Variants in VRK3 observed in about 807,000 individuals in gnomAD.
VRK3 encodes the protein serine/threonine-protein kinase VRK3.
Under a neutral mutation model 60.4 loss-of-function variants are expected in VRK3, and 50 were observed. The observed-to-expected ratio is 0.83, with a 90% CI of 0.66 to 1.05. VRK3 has a LOEUF of 1.05. VRK3 is among the 50% of genes least tolerant of loss of function. The pLI is 0.00. For synonymous variants in VRK3, 246 were observed against 227.8 expected (o/e 1.08, Z -0.72); for missense variants, 549 against 585.3 (o/e 0.94, Z 0.64).
In VRK3 at chr19:49,992,903, A is replaced by T; in HGVS notation, c.920T>A (p.Val307Glu). The change falls in exon 10 of 15, where the codon GTG becomes GAG. Residue 307 changes from valine to glutamate, a missense_variant. Transcript: ENST00000316763. ...LHENEYVHGN[V>E]TAENIFVDPE... ...ATCCACAAAGATATTTTCAGCTGTC[A>T]CATTTCCATGAACATACTCATTCTC... 1 of 1,613,940 alleles carries T rather than the reference A, an allele frequency of 6.2e-7. No individual in the cohort carries two copies. Among genetic ancestry groups the T allele is most frequent in the Non-Finnish European group, 8.5e-7 (1 of 1,180,036 alleles).
chr19:49,985,702 G>A (rs942515696), intron 12 of VRK3, among the ~76,000 whole-genome samples: 5 of 152,120 alleles, frequency 3.3e-5, no homozygotes, highest in African/African-American at 1.2e-4. Flanking sequence ...CTGAGGGCAG[G>A]GATTTTTGTC....
At chr19:50,019,109 G>A (rs1420078284) in intron 2 of VRK3, 1 of 144,878 alleles carries the variant, frequency 6.9e-6, no homozygotes, top group Non-Finnish European at 1.5e-5. Context: ...AGCTTGCAGT[G>A]AGCCGAGATA....
intron 5 of VRK3, among the ~76,000 whole-genome samples, chr19:50,006,034 C>A (rs1426336593): frequency 6.7e-6 from 1 of 149,126 alleles, no homozygotes; most frequent in East Asian, 1.9e-4. Context: ...GCCTGTAATC[C>A]CAGCACTTTG....
In VRK3 at chr19:50,008,498, G is replaced by A. The variant is rs2076939946; in HGVS notation, c.290-672C>T. ...AAAGGGGACGCCTCACACTGCCACT[G>A]TGGCTGTGGCTTCAGATCCAGGGGC... On this transcript the variant is annotated intron_variant, in intron 4 of 14. Coordinates refer to ENST00000316763, the MANE Select transcript of VRK3 (RefSeq NM_016440.4). Among the ~76,000 whole-genome samples, 5 of 152,340 alleles carry A rather than the reference G, an allele frequency of 3.3e-5. No individual in the cohort carries two copies. The South Asian group carries it at 8.3e-4, about 25-fold the overall frequency.
intron 10 of VRK3, among the ~76,000 whole-genome samples, chr19:49,992,310 CAG>C (rs2076625610): frequency 6.6e-6 from 1 of 152,178 alleles, no homozygotes; most frequent in African/African-American, 2.4e-5. Flanking sequence ...AGGAGGCTGA[CAG>C]AGAATCGCTT....
intron 1 of VRK3, among the ~76,000 whole-genome samples, chr19:50,022,070 T>TCAAAGGGTGA: frequency 1.3e-5 from 2 of 152,232 alleles, no homozygotes; most frequent in South Asian, 4.1e-4. Flanking sequence ...AAAATGATGC[T>TCAAAGGGTGA]CAAAGGGTGA....
Position 50,007,803 on chromosome 19 carries a change from G to T in VRK3, c.313C>A (p.Pro105Thr), listed in dbSNP as rs11547882. Residue 105 changes from proline to threonine, a missense_variant, in exon 5 of 15, where the codon CCC (proline) becomes ACC (threonine). Coordinates refer to ENST00000316763, the MANE Select transcript of VRK3 (RefSeq NM_016440.4). Reference protein sequence around the residue: ...SKGSGSRPPTPKSSPQKTRKS... With the variant: ...SKGSGSRPPTTKSSPQKTRKS... ...CTGGTCTTCTGAGGGCTGCTTTTGG[G>T]GGTTGGGGGTCTGCTCCCGGAGCCT... The T allele has an allele frequency of 9.9e-3, 15,932 of 1,614,120 alleles. 1,368 individuals carry two copies. The African/African-American group carries it at 0.19, about 19-fold the overall frequency.
intron 12 of VRK3, chr19:49,981,808 ACACACG>A: frequency 8.9e-7 from 1 of 1,118,268 alleles, no homozygotes; most frequent in Non-Finnish European, 1.1e-6. Context: ...ACACACACAC[ACACACG>A]CACACTGGTC....
Position 50,007,825 on chromosome 19 carries a change from G to A in VRK3, c.291C>T (p.Gly97=). Residue 97 remains glycine (G), a splice_region_variant and synonymous_variant, in exon 5 of 15, where the codon GGC becomes GGT. Transcript: ENST00000316763. ...TGGGGGTTGGGGGTCTGCTCCCGGA[G>A]CCTGCAGGAGGATGTAAGAATAAAG... ...DTLSSSERSK[G]SGSRPPTPKS... 1 of 1,614,130 alleles carries A rather than the reference G, an allele frequency of 6.2e-7. No individual in the cohort carries two copies.
At chr19:50,023,232 C>G (rs1380529379) in intron 1 of VRK3, among the ~76,000 whole-genome samples, 1 of 152,214 alleles carries the variant, frequency 6.6e-6, no homozygotes, top group East Asian at 1.9e-4. Flanking sequence ...TTCGCCCAGG[C>G]TGGAGTGCAA....
chr19:49,989,294 G>C (rs1201008298), intron 11 of VRK3, among the ~76,000 whole-genome samples: 1 of 152,150 alleles, frequency 6.6e-6, no homozygotes, highest in Non-Finnish European at 1.5e-5. Flanking sequence ...CCTCTGCCCA[G>C]ATCTCCCTCC....
intron 14 of VRK3, among the ~76,000 whole-genome samples, chr19:49,977,721 C>T (rs2076354584): frequency 6.6e-6 from 1 of 152,144 alleles, no homozygotes; most frequent in Non-Finnish European, 1.5e-5. Flanking sequence ...GGACCCCGAG[C>T]TGTCTGGCCT....
At chr19:49,985,602 C>T (rs2076499816) in intron 12 of VRK3, among the ~76,000 whole-genome samples, 1 of 152,184 alleles carries the variant, frequency 6.6e-6, no homozygotes, top group African/African-American at 2.4e-5. Context: ...ACACCCAGGA[C>T]CTGGCCTCAT....
rs959469082 is a variant in VRK3 at position 49,982,169 on chromosome 19, A to G, written c.1218-1156T>C. On this transcript the variant is annotated intron_variant, in intron 12 of 14. Coordinates refer to ENST00000316763, the MANE Select transcript of VRK3 (RefSeq NM_016440.4). ...GGCATGACAAAGTCCAGCTTACATTAAAATGAATCCCAAGGCAACCTGAAA... is the reference window on the plus strand; with the variant it reads ...GGCATGACAAAGTCCAGCTTACATTGAAATGAATCCCAAGGCAACCTGAAA... 7.1e-6 allele frequency: 5 copies of G among 702,918 alleles called. No homozygotes were observed. In the African/African-American group the frequency reaches 8.7e-5, roughly 12 times the overall value. 43.5% of individuals were successfully genotyped at this position (702,918 alleles called of 1,614,324 possible). A position where few individuals can be genotyped will look rare whatever the true frequency, so the allele number is the denominator to read the frequency against.
chr19:50,000,587 G>C (rs1198041383), intron 6 of VRK3: 1 of 614,002 alleles, frequency 1.6e-6, no homozygotes, highest in Non-Finnish European at 2.9e-6. Context: ...GCCAGACTTG[G>C]GTGGATCCAA....
chr19:49,985,016 C>G lies in VRK3; in HGVS notation c.1217+3356G>C, dbSNP rs1210898210. Among the ~76,000 whole-genome samples, 3 of 152,212 alleles carry G rather than the reference C, an allele frequency of 2.0e-5. No individual in the cohort carries two copies. In the East Asian group the frequency reaches 5.8e-4, roughly 29 times the overall value. ...GTCACAGGGAATTGAGGCCCCCCTA[C>G]TGCCCTCAGTCTCCTGCCTTGGGAC... On this transcript the variant is annotated intron_variant, in intron 12 of 14. Coordinates refer to ENST00000316763, the MANE Select transcript of VRK3 (RefSeq NM_016440.4).
chr19:49,981,286 C>T (rs1226367412), intron 12 of VRK3: 4 of 451,076 alleles, frequency 8.9e-6, no homozygotes, highest in South Asian at 5.0e-5. Flanking sequence ...GTGGCTCACG[C>T]CTGTAATCCC....
chr19:50,007,436 TAAGAGA>T (rs2076915321), intron 5 of VRK3, 127 bp downstream of exon 5: 1 of 1,375,966 alleles, frequency 7.3e-7, no homozygotes, highest in Non-Finnish European at 1.0e-6. Context: ...GTCCAAGGTC[TAAGAGA>T]AAGTTGCCTA....
At chr19:49,986,950 A>T (rs2076526270) in intron 12 of VRK3, 1 of 152,244 alleles carries the variant, frequency 6.6e-6, no homozygotes, top group Non-Finnish European at 1.5e-5. Context: ...TGCAGTGGCG[A>T]GAGCTCGGCT....
Sources: allele counts gnomAD v4.1 joint callset (sites outside exome capture counted in the v4.1 genomes callset), GRCh38; gene constraint gnomAD v4.1.1; transcripts MANE v1.5; gene names NCBI Gene and HGNC (gene_info 2026-07-23, HGNC 2026-07-21).